AIG1: variants seen among roughly 807,000 people sequenced by gnomAD.
AIG1 encodes the protein androgen induced 1, also known as androgen-induced gene 1 protein.
Under a neutral mutation model 31.4 loss-of-function variants are expected in AIG1, and 23 were observed. The ratio of observed to expected loss-of-function variants is 0.73; its 90% CI spans 0.53 to 1.04. The LOEUF (loss-of-function observed/expected upper bound fraction) is 1.04, where lower values mean the gene tolerates loss of function less well. Among genes scored for constraint, AIG1 ranks in the 50% least tolerant of loss-of-function variants. AIG1 has a pLI of 0.00. For missense variants in AIG1, 274 were observed against 295.0 expected (o/e 0.93, Z 0.52); for synonymous variants, 100 against 110.5 (o/e 0.90, Z 0.60).
At position 143,268,067 on chromosome 6, in the gene AIG1, G is replaced by A. The variant is rs1728311652; in HGVS notation, c.400-16043G>A. 6.6e-6 allele frequency among the ~76,000 whole-genome samples: 1 copy of A among 152,104 alleles called. No homozygotes were observed. Among genetic ancestry groups the A allele is most frequent in the African/African-American group, 2.4e-5 (1 of 41,412 alleles). On this transcript the variant is annotated intron_variant, in intron 3 of 5. Transcript: ENST00000357847. This position sits in a 1 kb window ranked among gnomAD's most constrained non-coding sequence, Gnocchi z 5.0. ...GTTGATCTCATGCTGATCTGAAGCT[G>A]GCCAAAATATATATCCATGATGAAT... is the stretch of plus-strand genomic sequence containing the variant.
intron 2 of AIG1, among the ~76,000 whole-genome samples, chr6:143,164,474 A>G (rs1786726354): frequency 6.6e-6 from 1 of 152,208 alleles, no homozygotes; most frequent in Admixed American, 6.5e-5. Flanking sequence ...TTCCAAGAGA[A>G]TTAGGAATCT....
chr6:143,267,211 G>C (rs1796217146), intron 3 of AIG1, among the ~76,000 whole-genome samples: 1 of 152,188 alleles, frequency 6.6e-6, no homozygotes, highest in South Asian at 2.1e-4. Context: ...GTTGAGGGCA[G>C]AGGAAAGGGT....
At chr6:143,255,150 A>G (rs1365953084) in intron 3 of AIG1, among the ~76,000 whole-genome samples, 1 of 152,208 alleles carries the variant, frequency 6.6e-6, no homozygotes, top group African/African-American at 2.4e-5. Context: ...GCTTCGTAAT[A>G]CACAACAGTT....
At chr6:143,323,634 T>C (rs909514253) in intron 4 of AIG1, among the ~76,000 whole-genome samples, 2 of 152,184 alleles carry the variant, frequency 1.3e-5, no homozygotes, top group African/African-American at 4.8e-5. Context: ...TTTTGAGCCC[T>C]GTTTCCATCT....
rs1797845824 is a variant in AIG1, at chr6:143,288,493, C to T, written c.515+4268C>T. Among the ~76,000 whole-genome samples, 1 of 152,188 alleles carries T rather than the reference C, an allele frequency of 6.6e-6. No individual in the cohort carries two copies. The highest frequency in any genetic ancestry group is 1.5e-5 in the Non-Finnish European group (1 of 68,034). ...ATGGATAAATATTCCTTGTCAACTGCTGTGAGTGTATTTAAAGCAAAATAG... is the reference window on the plus strand; with the variant it reads ...ATGGATAAATATTCCTTGTCAACTGTTGTGAGTGTATTTAAAGCAAAATAG... On this transcript the variant is annotated intron_variant, in intron 4 of 5. Coordinates refer to ENST00000357847, the MANE Select transcript of AIG1 (RefSeq NM_016108.4). This position sits in a 1 kb window ranked among gnomAD's most constrained non-coding sequence, Gnocchi z 4.4.
chr6:143,247,976 G>A (rs760447649), intron 3 of AIG1, among the ~76,000 whole-genome samples: 9 of 152,086 alleles, frequency 5.9e-5, no homozygotes, highest in African/African-American at 9.7e-5. Flanking sequence ...AGGCTCTTGC[G>A]TCTCATGGAT....
chr6:143,132,609 T>C (rs1454372259), intron 1 of AIG1, among the ~76,000 whole-genome samples: 1 of 152,034 alleles, frequency 6.6e-6, no homozygotes, highest in Non-Finnish European at 1.5e-5. Flanking sequence ...GTTTATAGTT[T>C]TCAGAAAACT....
chr6:143,250,362 T>C (rs1794928323), intron 3 of AIG1, among the ~76,000 whole-genome samples: 1 of 152,228 alleles, frequency 6.6e-6, no homozygotes, highest in African/African-American at 2.4e-5. Context: ...AAAATGCCAA[T>C]GGGCAAGTTA....
intron 2 of AIG1, among the ~76,000 whole-genome samples, chr6:143,149,418 T>C (rs1784988116): frequency 6.7e-6 from 1 of 149,600 alleles, no homozygotes; most frequent in East Asian, 2.0e-4. Flanking sequence ...TCCCAGCTAC[T>C]AGGGAGGCTG....
chr6:143,283,335 C>A (rs1158826567), intron 3 of AIG1, among the ~76,000 whole-genome samples: 1 of 152,184 alleles, frequency 6.6e-6, no homozygotes, highest in East Asian at 1.9e-4. Flanking sequence ...TGTCTAAATT[C>A]ATGCACTACT....
rs9403440 is a variant in AIG1 at position 143,087,992 on chromosome 6, A to G, written c.141+26926A>G. Among the ~76,000 whole-genome samples the G allele has an allele frequency of 2.9e-3, 441 of 152,306 alleles. 10 individuals are homozygous for G. The East Asian group carries it at 0.052, about 18-fold the overall frequency. ...GGCTTGATGTTTATAAAATTCAGTG[A>G]TATCAGGCACATTTGGTTTGGGCTC... is the stretch of plus-strand genomic sequence containing the variant. On this transcript the variant is annotated intron_variant, in intron 1 of 5. Coordinates refer to ENST00000357847, the MANE Select transcript of AIG1 (RefSeq NM_016108.4).
At chr6:143,342,815 C>G, downstream of AIG1, 1 of 800,046 alleles carries the variant, frequency 1.2e-6, no homozygotes, top group Non-Finnish European at 2.3e-6. Flanking sequence ...CTGCAGTGGA[C>G]AGTGATCTGA....
At chr6:143,228,182 T>A (rs1279897273) in intron 3 of AIG1, among the ~76,000 whole-genome samples, 1 of 152,042 alleles carries the variant, frequency 6.6e-6, no homozygotes, top group Admixed American at 6.5e-5. Context: ...CTTTGAAAAA[T>A]CTCTGCCCTG....
chr6:143,314,184 TAAAAAAA>T (rs35691634), intron 4 of AIG1, among the ~76,000 whole-genome samples: 49 of 90,616 alleles, frequency 5.4e-4, no homozygotes, highest in Admixed American at 1.4e-3. Flanking sequence ...ACCCATCTCT[TAAAAAAA>T]AAAAAAAAAA....
At chr6:143,324,368 A>G (rs886595727) in intron 4 of AIG1, among the ~76,000 whole-genome samples, 3 of 152,164 alleles carry the variant, frequency 2.0e-5, no homozygotes, top group African/African-American at 7.2e-5. Context: ...TATCTCACAC[A>G]TTTTCTATAA....
intron 3 of AIG1, among the ~76,000 whole-genome samples, chr6:143,211,915 G>A (rs1407441177): frequency 2.0e-5 from 3 of 151,746 alleles, no homozygotes; most frequent in South Asian, 2.1e-4. Context: ...AAATTCCAAC[G>A]TAAGTTTATT....
chr6:143,342,848 CA>C, downstream of AIG1: 1 of 820,844 alleles, frequency 1.2e-6, no homozygotes, highest in African/African-American at 1.7e-5. Flanking sequence ...AATCCAGCCT[CA>C]AAAGTCCGTT....
chr6:143,172,593 G>A (rs574581939), intron 3 of AIG1, among the ~76,000 whole-genome samples: 155 of 152,256 alleles, frequency 1.0e-3, no homozygotes, highest in African/African-American at 3.7e-3. Flanking sequence ...AATGATTTAG[G>A]GAGGATTCCC....
chr6:143,318,562 A>G (rs555484476), intron 4 of AIG1, among the ~76,000 whole-genome samples: 3 of 152,190 alleles, frequency 2.0e-5, no homozygotes, highest in South Asian at 2.1e-4. Context: ...CCTTCTAGAT[A>G]TTAGCTTAGG....
Sources: gnomAD v4.1 joint callset for allele counts (sites outside exome capture counted in the v4.1 genomes callset) on GRCh38, gnomAD v4.1.1 for gene constraint, Gnocchi (gnomAD v3.1) non-coding constraint, MANE v1.5 for transcripts, NCBI Gene and HGNC (gene_info 2026-07-23, HGNC 2026-07-21) for gene names.